CASK: variants seen among roughly 807,000 people sequenced by gnomAD.
CASK encodes the protein peripheral plasma membrane protein CASK.
A neutral mutation model predicts 82.9 loss-of-function variants in CASK; 4 were observed. The ratio of observed to expected loss-of-function variants is 0.05; its 90% CI spans 0.02 to 0.11. The LOEUF (loss-of-function observed/expected upper bound fraction) is 0.11. CASK is among the 10% of genes least tolerant of loss of function. CASK has a pLI of 1.00. For missense variants in CASK, 358 were observed against 720.9 expected (o/e 0.50, Z 5.76); for synonymous variants, 259 against 253.5 (o/e 1.02, Z -0.20).
intron 5 of CASK, among the ~76,000 whole-genome samples, chrX:41,724,868 C>T (rs903410912): frequency 1.8e-5 from 2 of 112,113 alleles, no homozygotes; most frequent in Non-Finnish European, 3.8e-5. Context: ...ATTATCTGCA[C>T]AAGGTAGGAG....
At chrX:41,553,672 G>T in intron 21 of CASK, 47 bp downstream of exon 21, 1 of 970,175 alleles carries the variant, frequency 1.0e-6, no homozygotes, top group Non-Finnish European at 1.5e-6. Context: ...GATGGTCAGG[G>T]CTTTGTTTTT....
At chrX:41,540,445 T>C (rs747374624) in intron 22 of CASK, among the ~76,000 whole-genome samples, 1 of 112,662 alleles carries the variant, frequency 8.9e-6, no homozygotes, top group South Asian at 3.7e-4. Context: ...CTTGGCTTCA[T>C]TGAATGATCG....
intron 5 of CASK, among the ~76,000 whole-genome samples, chrX:41,709,169 T>A (rs1167253393): frequency 9.0e-6 from 1 of 111,688 alleles, no homozygotes; most frequent in East Asian, 2.8e-4. Context: ...CACCAAAAGA[T>A]TACCAAGATG....
At chrX:41,801,928 C>T (rs781018168) in intron 2 of CASK, among the ~76,000 whole-genome samples, 12 of 111,071 alleles carry the variant, frequency 1.1e-4, no homozygotes, top group Non-Finnish European at 1.7e-4. Flanking sequence ...CCTTTCTCCC[C>T]CTAATACACA....
At chrX:41,767,040 G>T (rs2069128681) in intron 3 of CASK, among the ~76,000 whole-genome samples, 1 of 111,363 alleles carries the variant, frequency 9.0e-6, no homozygotes, top group African/African-American at 3.3e-5. Flanking sequence ...ATCTGTAATT[G>T]CTACTTTAAA....
intron 1 of CASK, among the ~76,000 whole-genome samples, chrX:41,876,343 CA>C (rs2148016917): frequency 9.0e-6 from 1 of 111,368 alleles, no homozygotes; most frequent in South Asian, 3.7e-4. Flanking sequence ...AGCCCCAGAT[CA>C]AGTAACTGGT....
intron 2 of CASK, among the ~76,000 whole-genome samples, chrX:41,825,530 T>C (rs2070645259): frequency 8.9e-6 from 1 of 112,278 alleles, no homozygotes. Flanking sequence ...AACAGCAAAG[T>C]ATGTTTTATT....
rs1046398509 is a variant in CASK at position 41,515,115 on chromosome X, T to C, written c.*5305A>G. ...TGATTAGGGTTTCATCAACTTGTACTGTGCCGGCAGCGCACCAGCATTCTG... is the reference window on the plus strand; with the variant it reads ...TGATTAGGGTTTCATCAACTTGTACCGTGCCGGCAGCGCACCAGCATTCTG... On this transcript the variant is annotated 3_prime_UTR_variant, in exon 27 of 27. Transcript: ENST00000378163. 5 of 112,558 alleles carry C rather than the reference T, an allele frequency of 4.4e-5. No homozygotes were observed. The highest frequency in any genetic ancestry group is 9.4e-5 in the Admixed American group (1 of 10,639). The allele number at this position is 112,558 out of a possible 1,213,427, so 9.3% of individuals were successfully genotyped here.
At chrX:41,871,209 A>G (rs1195345) in intron 1 of CASK, among the ~76,000 whole-genome samples, 18,118 of 111,477 alleles carry the variant, frequency 0.16, 1,415 homozygotes, top group Middle Eastern at 0.29. Context: ...TTCTTCTCAT[A>G]ATCTGAATCT....
rs372182896 is a variant in CASK at position 41,516,658 on chromosome X, C to T, written c.*3762G>A. Reference sequence around the variant, plus strand: ...GTTCTGAGAAAACAAGAAACACACACGAGTTTGATAATAGGAAGCAAGAAG... The same window carrying T: ...GTTCTGAGAAAACAAGAAACACACATGAGTTTGATAATAGGAAGCAAGAAG... On this transcript the variant is annotated 3_prime_UTR_variant, in exon 27 of 27. Transcript: ENST00000378163. 1 of 111,024 alleles carries T rather than the reference C, an allele frequency of 9.0e-6. No individual in the cohort carries two copies. The highest frequency in any genetic ancestry group is 1.9e-5 in the Non-Finnish European group (1 of 53,075). 9.1% of individuals were successfully genotyped at this position (111,024 alleles called of 1,213,427 possible).
intron 8 of CASK, among the ~76,000 whole-genome samples, chrX:41,639,518 A>G (rs1305164305): frequency 9.1e-6 from 1 of 110,349 alleles, no homozygotes; most frequent in Non-Finnish European, 1.9e-5. Flanking sequence ...GGATGAAACC[A>G]GCTGGAAATA....
intron 8 of CASK, among the ~76,000 whole-genome samples, chrX:41,656,963 A>C (rs913606): frequency 2.8e-3 from 314 of 111,617 alleles, no homozygotes; most frequent in African/African-American, 9.5e-3. Context: ...AGAATTCCTA[A>C]GGACCTGATG....
rs915865919 is a variant in CASK at position 41,642,117 on chromosome X, C to A, written c.832-5456G>T. Among the ~76,000 whole-genome samples, 244 of 110,847 alleles carry A rather than the reference C, an allele frequency of 2.2e-3. 1 individual carries two copies. The highest frequency in any genetic ancestry group is 7.6e-3 in the African/African-American group (233 of 30,489). Reference sequence around the variant, plus strand: ...TGCATAGTATTCCATGGTGTATATGCGCCACATTTTCTTAATCCAGTCTAT... The same window carrying A: ...TGCATAGTATTCCATGGTGTATATGAGCCACATTTTCTTAATCCAGTCTAT... On this transcript the variant is annotated intron_variant, in intron 8 of 26. Transcript: ENST00000378163.
At chrX:41,626,808 T>C in intron 9 of CASK, 105 bp from the exon 10 acceptor site, 1 of 553,955 alleles carries the variant, frequency 1.8e-6, no homozygotes, top group Non-Finnish European at 3.0e-6. Flanking sequence ...AAGTCAAATA[T>C]ATAGGAGATG....
chrX:41,770,130 T>C (rs1460647319), intron 3 of CASK, among the ~76,000 whole-genome samples: 1 of 109,696 alleles, frequency 9.1e-6, no homozygotes, highest in Non-Finnish European at 1.9e-5. Context: ...GGACTTCATA[T>C]ACTGAGATTA....
At chrX:41,695,679 TG>T (rs761036226) in intron 5 of CASK, 4 of 1,204,413 alleles carry the variant, frequency 3.3e-6, no homozygotes, top group Non-Finnish European at 4.5e-6. Context: ...AGTCAGCAGC[TG>T]GCCTTACTCC....
At chrX:41,896,292 G>A (rs1361041511) in intron 1 of CASK, among the ~76,000 whole-genome samples, 3 of 112,105 alleles carry the variant, frequency 2.7e-5, no homozygotes, top group African/African-American at 9.7e-5. Flanking sequence ...ACAAGCCACA[G>A]TCATGAACAC....
At chrX:41,535,346 A>G (rs994438380) in intron 22 of CASK, among the ~76,000 whole-genome samples, 1 of 111,562 alleles carries the variant, frequency 9.0e-6, no homozygotes, top group African/African-American at 3.3e-5. Flanking sequence ...TACTAAAAAG[A>G]AAAAGTCTAC....
chrX:41,768,184 T>C (rs1275278532), intron 3 of CASK, among the ~76,000 whole-genome samples: 1 of 111,766 alleles, frequency 8.9e-6, no homozygotes, highest in Non-Finnish European at 1.9e-5. Flanking sequence ...CCCCATCTTT[T>C]TGAATACTTC....
Sources: allele counts gnomAD v4.1 joint callset (sites outside exome capture counted in the v4.1 genomes callset), GRCh38; gene constraint gnomAD v4.1.1; transcripts MANE v1.5; gene names NCBI Gene and HGNC (gene_info 2026-07-23, HGNC 2026-07-21).